Variants in TBCK observed in about 807,000 individuals in gnomAD.
TBCK encodes the protein TBC domain-containing protein kinase-like protein.
Under a neutral mutation model 113.4 loss-of-function variants are expected in TBCK, and 99 were observed. The ratio of observed to expected loss-of-function variants is 0.87; its 90% CI spans 0.74 to 1.03. The LOEUF is 1.03. Among genes scored for constraint, TBCK ranks in the 50% least tolerant of loss-of-function variants. TBCK has a pLI of 0.00. For missense variants in TBCK, 1,045 were observed against 1,061.3 expected (o/e 0.98, Z 0.21); for synonymous variants, 369 against 370.8 (o/e 1.00, Z 0.05).
intron 20 of TBCK, 59 bp from the exon 21 acceptor site, chr4:106,194,813 G>T: frequency 7.3e-7 from 1 of 1,377,310 alleles, no homozygotes; most frequent in Non-Finnish European, 1.0e-6. Flanking sequence ...AAGATAATTA[G>T]AATGATTACC....
At chr4:106,228,606 T>C (rs919319650) in intron 19 of TBCK, among the ~76,000 whole-genome samples, 1 of 152,062 alleles carries the variant, frequency 6.6e-6, no homozygotes, top group Non-Finnish European at 1.5e-5. Context: ...TAGTACTCCA[T>C]TGTGTATTAA....
intron 23 of TBCK, among the ~76,000 whole-genome samples, chr4:106,169,288 T>C (rs972932899): frequency 3.3e-5 from 5 of 152,022 alleles, no homozygotes; most frequent in African/African-American, 1.2e-4. Context: ...GGACTGACAC[T>C]TCTGAGCTTC....
chr4:106,130,998 C>G (rs1318984674), intron 23 of TBCK, among the ~76,000 whole-genome samples: 2 of 151,700 alleles, frequency 1.3e-5, no homozygotes, highest in East Asian at 3.9e-4. Context: ...CTAGCTGGGT[C>G]CCCCCCAAAT....
At chr4:106,093,272 C>T (rs1201137282) in intron 25 of TBCK, among the ~76,000 whole-genome samples, 3 of 152,104 alleles carry the variant, frequency 2.0e-5, no homozygotes, top group African/African-American at 7.2e-5. Context: ...TTTGGGAGGC[C>T]GAGGCGGGCA....
In TBCK at chr4:106,046,512, G is replaced by C; in HGVS notation, c.*58C>G. The C allele has an allele frequency of 2.2e-6, 2 of 906,566 alleles. No homozygotes were observed. Among genetic ancestry groups the C allele is most frequent in the Admixed American group, 3.7e-5 (2 of 53,338 alleles). 56.2% of individuals were successfully genotyped at this position (906,566 alleles called of 1,614,324 possible). The stretch of plus-strand genomic sequence containing the variant: ...TGTCTGAGAGTGGCGTGGATATGAA[G>C]AACTGTGCTGTTGGTGCTGATGCCA... On this transcript the variant is annotated 3_prime_UTR_variant, in exon 26 of 26. Coordinates refer to ENST00000394708, the MANE Select transcript of TBCK (RefSeq NM_001163435.3).
chr4:106,110,582 T>C (rs1742727203), intron 24 of TBCK, among the ~76,000 whole-genome samples: 1 of 152,202 alleles, frequency 6.6e-6, no homozygotes, highest in African/African-American at 2.4e-5. Flanking sequence ...CTGTTTCCCA[T>C]AACCCATGGT....
At chr4:106,213,240 C>A (rs114268413) in intron 19 of TBCK, 2,674 of 164,300 alleles carry the variant, frequency 0.016, 34 homozygotes, top group Middle Eastern at 0.076. Context: ...AATAATGTCT[C>A]AAATTTGTTT....
intron 3 of TBCK, among the ~76,000 whole-genome samples, chr4:106,283,455 C>T (rs1560964271): frequency 2.0e-5 from 3 of 151,810 alleles, no homozygotes; most frequent in South Asian, 2.1e-4. Context: ...AAGAAGAGTA[C>T]GAAGGGAAAC....
In TBCK at chr4:106,178,459, T is replaced by C. The variant is rs538692932; in HGVS notation, c.2060-7189A>G. Among the ~76,000 whole-genome samples the C allele has an allele frequency of 4.2e-4, 64 of 152,034 alleles. No individual in the cohort carries two copies. The South Asian group carries it at 0.013, about 31-fold the overall frequency. ...GTGTAGTAGCTGTGGGGTTGTCACA[T>C]ATGGCCTTTATTGTTCTGAGGTGTG... On this transcript the variant is annotated intron_variant, in intron 22 of 25. Coordinates refer to ENST00000394708, the MANE Select transcript of TBCK (RefSeq NM_001163435.3).
At position 106,077,821 on chromosome 4, in the gene TBCK, C is replaced by A. The variant is rs538750591; in HGVS notation, c.2571+17661G>T. On this transcript the variant is annotated intron_variant, in intron 25 of 25. Transcript: ENST00000394708. ...GACCAATTAGACCTAATAGACACTA[C>A]AGAACACTCCATCCAACAACAGAAT... Among the ~76,000 whole-genome samples, 39 of 152,292 alleles carry A rather than the reference C, an allele frequency of 2.6e-4. No individual in the cohort carries two copies. The South Asian group carries it at 7.9e-3, about 31-fold the overall frequency.
At chr4:106,106,532 A>G (rs1298563127) in intron 24 of TBCK, among the ~76,000 whole-genome samples, 1 of 152,240 alleles carries the variant, frequency 6.6e-6, no homozygotes, top group Non-Finnish European at 1.5e-5. Context: ...AGAATTTCAT[A>G]TCTAGCTAAA....
chr4:106,248,984 T>C lies in TBCK; in HGVS notation c.659-2A>G. The C allele has an allele frequency of 1.3e-6, 2 of 1,591,626 alleles. No individual in the cohort carries two copies. Among genetic ancestry groups the C allele is most frequent in the Non-Finnish European group, 1.7e-6 (2 of 1,170,580 alleles). On this transcript the variant is annotated splice_acceptor_variant, in intron 7 of 25. Transcript: ENST00000394708. LOFTEE classifies it high-confidence loss of function. ...CTATTAAAGTGTCATCTACACAATC[T>C]ATAAAACAGAAAAACTATATGAATA...
At chr4:106,091,635 G>A (rs1187052241) in intron 25 of TBCK, among the ~76,000 whole-genome samples, 1 of 152,100 alleles carries the variant, frequency 6.6e-6, no homozygotes, top group Non-Finnish European at 1.5e-5. Flanking sequence ...CGTTCCTCCC[G>A]GTGGGTTCGT....
At chr4:106,193,570 C>T (rs1753890070) in intron 22 of TBCK, 39 bp downstream of exon 22, 2 of 1,606,188 alleles carry the variant, frequency 1.2e-6, no homozygotes, top group East Asian at 4.5e-5. Context: ...ATTTCATAGT[C>T]AAATTTCATT....
At chr4:106,182,400 A>T (rs1311993902) in intron 22 of TBCK, 1 of 152,126 alleles carries the variant, frequency 6.6e-6, no homozygotes, top group African/African-American at 2.4e-5. Flanking sequence ...AAAGTCCAAA[A>T]CTATGTTGAA....
chr4:106,287,249 C>T (rs1765207094), intron 3 of TBCK, among the ~76,000 whole-genome samples: 1 of 152,162 alleles, frequency 6.6e-6, no homozygotes, highest in Non-Finnish European at 1.5e-5. Context: ...ACTCTACCCC[C>T]TATTCTTAGT....
At chr4:106,230,479 A>C (rs912125620) in intron 18 of TBCK, 33 bp from the exon 19 acceptor site, 1 of 1,391,824 alleles carries the variant, frequency 7.2e-7, no homozygotes, top group African/African-American at 1.4e-5. Flanking sequence ...CATGTAAAAA[A>C]TTAGTTAACA....
intron 4 of TBCK, among the ~76,000 whole-genome samples, chr4:106,260,792 T>C (rs1017707754): frequency 2.0e-4 from 30 of 152,020 alleles, no homozygotes; most frequent in African/African-American, 2.9e-4. Context: ...TGCTGTTACA[T>C]TGTCTAGTTA....
chr4:106,177,670 A>G (rs1354388284), intron 22 of TBCK, among the ~76,000 whole-genome samples: 1 of 151,910 alleles, frequency 6.6e-6, no homozygotes, highest in Non-Finnish European at 1.5e-5. Flanking sequence ...TGAGTTATCT[A>G]TTCCATTTCA....
Sources: allele counts gnomAD v4.1 joint callset (sites outside exome capture counted in the v4.1 genomes callset), GRCh38; gene constraint gnomAD v4.1.1; transcripts MANE v1.5; gene names NCBI Gene and HGNC (gene_info 2026-07-23, HGNC 2026-07-21).